Variants in PAQR5 observed in about 807,000 individuals in gnomAD.
The protein encoded by PAQR5 is progestin and adipoQ receptor family member 5, also known as membrane progestin receptor gamma.
PAQR5 carries 20 observed loss-of-function variants against 34.5 expected under a neutral mutation model. That is an observed-to-expected ratio of 0.58 (90% CI 0.41 to 0.84). PAQR5 has a LOEUF of 0.84. Ranked by LOEUF, PAQR5 falls within the 40% of genes least tolerant of loss-of-function variation. The probability of loss-of-function intolerance (pLI) is 0.00; values close to 1 mark genes in which losing one functional copy is unlikely to be tolerated. For synonymous variants in PAQR5, 131 were observed against 155.6 expected (o/e 0.84, Z 1.18); for missense variants, 378 against 412.7 (o/e 0.92, Z 0.73).
chr15:69,305,870 C>T (rs149334561), intron 1 of PAQR5, among the ~76,000 whole-genome samples: 15 of 152,138 alleles, frequency 9.9e-5, no homozygotes, highest in African/African-American at 3.1e-4. Context: ...GAAGGGCAGA[C>T]GATCTTTGGC....
chr15:69,382,684 A>G (rs57320924), intron 4 of PAQR5, among the ~76,000 whole-genome samples: 5 of 130,032 alleles, frequency 3.8e-5, no homozygotes, highest in Admixed American at 3.0e-4. Flanking sequence ...ATATATATAT[A>G]TATATATATA....
Position 69,376,393 on chromosome 15 carries a change from C to T in PAQR5, c.52-3490C>T, listed in dbSNP as rs560270187. Among the ~76,000 whole-genome samples the T allele has an allele frequency of 2.0e-5, 3 of 152,318 alleles. No individual in the cohort carries two copies. In the South Asian group the frequency reaches 6.2e-4, roughly 32 times the overall value. The stretch of plus-strand genomic sequence containing the variant: ...ATGAAGGTCTGCTCTATGCAAAACA[C>T]TTTGCTAAGGCTAGAGTGGGAAGAC... On this transcript the variant is annotated intron_variant, in intron 3 of 8. Coordinates refer to ENST00000395407, the MANE Select transcript of PAQR5 (RefSeq NM_017705.4).
At chr15:69,369,861 A>T (rs1163612931) in intron 3 of PAQR5, among the ~76,000 whole-genome samples, 1 of 151,896 alleles carries the variant, frequency 6.6e-6, no homozygotes, top group Non-Finnish European at 1.5e-5. Context: ...CTCGTATTAG[A>T]TTCCCTGCCT....
chr15:69,403,675 G>C lies in PAQR5; in HGVS notation c.846G>C (p.Trp282Cys). 6.2e-7 allele frequency: 1 copy of C among 1,614,150 alleles called. No individual in the cohort carries two copies. The highest frequency in any genetic ancestry group is 1.7e-5 in the Admixed American group (1 of 60,014). Residue 282 changes from tryptophan to cysteine, a missense_variant, in exon 9 of 9, where the codon TGG (tryptophan) becomes TGC (cysteine). By Grantham distance (215) the Trp-to-Cys change is radical. Transcript: ENST00000395407. ...TGGACAAGACTCTGAGGAAGGAATGGCTCCTGGCCACCTCCAAGCCCTTCT... is the reference window on the plus strand; with the variant it reads ...TGGACAAGACTCTGAGGAAGGAATGCCTCCTGGCCACCTCCAAGCCCTTCT... ...ILLDKTLRKE[W>C]LLATSKPFSF...
chr15:69,376,563 T>C (rs548176672), intron 3 of PAQR5, among the ~76,000 whole-genome samples: 36 of 152,302 alleles, frequency 2.4e-4, no homozygotes, highest in African/African-American at 8.4e-4. Flanking sequence ...GGAACATCAT[T>C]GTCCTGGGAC....
At position 69,405,961 on chromosome 15, in the gene PAQR5, T is replaced by G. The variant is rs113263881; in HGVS notation, c.*2139T>G. 6.6e-6 allele frequency: 1 copy of G among 152,208 alleles called. No individual in the cohort carries two copies. The highest frequency in any genetic ancestry group is 1.5e-5 in the Non-Finnish European group (1 of 68,040). 9.4% of individuals were successfully genotyped at this position (152,208 alleles called of 1,614,324 possible). A position where few individuals can be genotyped will look rare whatever the true frequency, so the allele number is the denominator to read the frequency against. On this transcript the variant is annotated 3_prime_UTR_variant, in exon 9 of 9. Coordinates refer to ENST00000395407, the MANE Select transcript of PAQR5 (RefSeq NM_017705.4). ...AGAACACTGATTTGAAAGCTTCCTA[T>G]GCAAAATGAGAAGGGGTTCAAATAT...
intron 1 of PAQR5, among the ~76,000 whole-genome samples, chr15:69,305,766 G>A (rs537352762): frequency 5.3e-5 from 8 of 152,230 alleles, no homozygotes; most frequent in Non-Finnish European, 1.0e-4. Flanking sequence ...CGCCTGCGCC[G>A]GCCTACCCTG....
At chr15:69,394,093 C>T (rs1350304414) in intron 6 of PAQR5, among the ~76,000 whole-genome samples, 1 of 151,742 alleles carries the variant, frequency 6.6e-6, no homozygotes, top group Non-Finnish European at 1.5e-5. Context: ...TGCATCCAAC[C>T]ATTGATTGTT....
chr15:69,379,890 A>G lies in PAQR5; in HGVS notation c.59A>G (p.His20Arg), dbSNP rs748370134. 3 of 1,613,892 alleles carry G rather than the reference A, an allele frequency of 1.9e-6. No individual in the cohort carries two copies. The highest frequency in any genetic ancestry group is 2.5e-6 in the Non-Finnish European group (3 of 1,179,966). The change falls in exon 4 of 9, where the codon CAT (histidine) becomes CGT (arginine). Residue 20 changes from histidine to arginine, a missense_variant. Coordinates refer to ENST00000395407, the MANE Select transcript of PAQR5 (RefSeq NM_017705.4). ...TTTCCTTTGCCTCTGCAGGTGTTCC[A>G]TGAGCAAGGCATCCTGTTCGGCTAC... ...FSIDQIPQVF[H>R]EQGILFGYRH...
chr15:69,315,432 G>A (rs2053924421), intron 1 of PAQR5, among the ~76,000 whole-genome samples: 1 of 152,182 alleles, frequency 6.6e-6, no homozygotes, highest in Non-Finnish European at 1.5e-5. Flanking sequence ...GCGTTTTCCA[G>A]CATCCTTGAA....
chr15:69,336,615 G>T (rs1287877460), intron 1 of PAQR5, among the ~76,000 whole-genome samples: 2 of 152,016 alleles, frequency 1.3e-5, no homozygotes, highest in Non-Finnish European at 2.9e-5. Context: ...TCTTATTTTG[G>T]TCCTCCTAAA....
chr15:69,352,043 A>G (rs976822136), intron 2 of PAQR5, among the ~76,000 whole-genome samples: 1 of 152,236 alleles, frequency 6.6e-6, no homozygotes, highest in Non-Finnish European at 1.5e-5. Context: ...CCAGGCTGCT[A>G]TGCAAGCTGC....
At chr15:69,379,662 C>A in intron 3 of PAQR5, 1 of 884,142 alleles carries the variant, frequency 1.1e-6, no homozygotes, top group Non-Finnish European at 1.4e-6. Flanking sequence ...GGAGCCTGGC[C>A]CTTGAATTCC....
chr15:69,339,176 C>CCA (rs1555415751), intron 2 of PAQR5, among the ~76,000 whole-genome samples: 2 of 146,566 alleles, frequency 1.4e-5, no homozygotes, highest in African/African-American at 2.4e-5. Flanking sequence ...CTACACCCCC[C>CCA]ACCCCGCCAC....
Position 69,404,959 on chromosome 15 carries a change from T to C in PAQR5, c.*1137T>C, listed in dbSNP as rs890690338. The C allele has an allele frequency of 1.3e-5, 5 of 398,530 alleles. No homozygotes were observed. The highest frequency in any genetic ancestry group is 8.2e-5 in the African/African-American group (4 of 48,652). The allele number at this position is 398,530 out of a possible 1,614,324, so 24.7% of individuals were successfully genotyped here. On this transcript the variant is annotated 3_prime_UTR_variant, in exon 9 of 9. Transcript: ENST00000395407. ...GGGCCAGAGGCCAAACTTGAAGAAC[T>C]GCTGGTGTTACATGTTCCAAAAGGC...
intron 1 of PAQR5, among the ~76,000 whole-genome samples, chr15:69,331,281 A>G (rs777240036): frequency 2.6e-5 from 4 of 152,038 alleles, no homozygotes; most frequent in Admixed American, 6.6e-5. Context: ...CTGTAGCCCC[A>G]TTGCAGGGTG....
rs1226014431 is a variant in PAQR5 at position 69,299,624 on chromosome 15, C to T, written c.-277+568C>T. Among the ~76,000 whole-genome samples the T allele has an allele frequency of 3.9e-5, 6 of 152,216 alleles. No individual in the cohort carries two copies. In the East Asian group the frequency reaches 1.2e-3, roughly 29 times the overall value. ...TTCCCCCTGCTCTGTCATTGGCCTCCCCCCGGCCACAGCCCCCAGCTGGGC... is the reference window on the plus strand; with the variant it reads ...TTCCCCCTGCTCTGTCATTGGCCTCTCCCCGGCCACAGCCCCCAGCTGGGC... On this transcript the variant is annotated intron_variant, in intron 1 of 8. Coordinates refer to ENST00000395407, the MANE Select transcript of PAQR5 (RefSeq NM_017705.4).
intron 3 of PAQR5, among the ~76,000 whole-genome samples, chr15:69,368,918 A>G (rs2055478446): frequency 6.6e-6 from 1 of 151,948 alleles, no homozygotes; most frequent in Non-Finnish European, 1.5e-5. Context: ...GCTGTGCTCC[A>G]CCATACCCAG....
chr15:69,355,370 T>TTC (rs2055047876), intron 2 of PAQR5, among the ~76,000 whole-genome samples: 1 of 80,694 alleles, frequency 1.2e-5, no homozygotes, highest in African/African-American at 4.0e-5. Context: ...CTTTCTTTCT[T>TTC]TCTTTCTTTC....
Sources: gnomAD v4.1 joint callset for allele counts (sites outside exome capture counted in the v4.1 genomes callset) on GRCh38, gnomAD v4.1.1 for gene constraint, MANE v1.5 for transcripts, NCBI Gene and HGNC (gene_info 2026-07-23, HGNC 2026-07-21) for gene names.